Variants in SLC35D1 observed in about 807,000 individuals in gnomAD.
SLC35D1 encodes solute carrier family 35 member D1.
A neutral mutation model predicts 46.7 loss-of-function variants in SLC35D1; 31 were observed. That is an observed-to-expected ratio of 0.66 (90% CI 0.50 to 0.90). The LOEUF is 0.90. Ranked by LOEUF, SLC35D1 falls within the 40% of genes least tolerant of loss-of-function variation. The pLI, the probability that SLC35D1 is intolerant of heterozygous loss-of-function variation, is 0.00. For synonymous variants in SLC35D1, 195 were observed against 164.6 expected, an observed-to-expected ratio of 1.18 and a Z score of -1.41; for missense variants, 397 against 426.2, an observed-to-expected ratio of 0.93 and a Z score of 0.60.
At chr1:67,042,179 T>G (rs1342372787) in intron 8 of SLC35D1, 57 bp downstream of exon 8, 2 of 1,440,930 alleles carry the variant, frequency 1.4e-6, no homozygotes, top group Non-Finnish European at 2.0e-6. Flanking sequence ...CTTTTCATCA[T>G]AAATAATAAT....
intron 8 of SLC35D1, 35 bp from the exon 9 acceptor site, chr1:67,021,637 A>G: frequency 6.2e-7 from 1 of 1,608,576 alleles, no homozygotes; most frequent in South Asian, 1.1e-5. Flanking sequence ...ATTTTAGACC[A>G]GGCCTTCAAA....
chr1:67,009,050 C>A (rs747687207), intron 11 of SLC35D1, 35 bp downstream of exon 11: 2 of 984,262 alleles, frequency 2.0e-6, no homozygotes, highest in South Asian at 2.7e-5. Flanking sequence ...ATATCCAATT[C>A]CGATTTTGCA....
intron 10 of SLC35D1, among the ~76,000 whole-genome samples, chr1:67,013,171 C>CATATGTATATATATATATATATATGTG (rs1484938863): frequency 6.8e-4 from 4 of 5,880 alleles, no homozygotes; most frequent in Non-Finnish European, 1.3e-3. Context: ...TATATATATC[C>CATATGTATATATATATATATATATGTG]TGTTCTTAAA....
chr1:66,989,096 TAAA>T, the SLC35D1 span, among the ~76,000 whole-genome samples: 3 of 151,102 alleles, frequency 2.0e-5, no homozygotes, highest in South Asian at 2.1e-4. Context: ...TTTTGTCTTT[TAAA>T]AAAAAAATTT....
At chr1:66,985,445 A>T in the SLC35D1 span, 44 of 983,140 alleles carry the variant, frequency 4.5e-5, no homozygotes, top group Non-Finnish European at 5.3e-5. Context: ...TGATTTTTTT[A>T]TATATAGAAG....
the SLC35D1 span, among the ~76,000 whole-genome samples, chr1:66,976,032 G>A: frequency 0.073 from 11,139 of 152,020 alleles, 503 homozygotes; most frequent in African/African-American, 0.13. Context: ...CTGTCACCCA[G>A]GTGGGAGTGC....
In SLC35D1 at chr1:67,021,575, T is replaced by C. The variant is rs761883959; in HGVS notation, c.757A>G (p.Thr253Ala). 8.7e-6 allele frequency: 14 copies of C among 1,613,754 alleles called. No individual in the cohort carries two copies. The African/African-American group carries it at 1.3e-4, about 15-fold the overall frequency. The change falls in exon 9 of 12, where the codon ACC (threonine) becomes GCC (alanine). Residue 253 changes from threonine to alanine, a missense_variant. Physicochemically the swap from Thr to Ala is moderately conservative, Grantham distance 58. Coordinates refer to ENST00000235345, the MANE Select transcript of SLC35D1 (RefSeq NM_015139.3). ...AGGGTGAACTGCAGAAGAAAGAGGG[T>C]GTCAGCCCAGCCTTCAAACTCCACA... ...KAVEFEGWAD[T>A]LFLLQFTLSC...
intron 10 of SLC35D1, among the ~76,000 whole-genome samples, chr1:67,017,262 G>A (rs933702477): frequency 6.6e-6 from 1 of 151,892 alleles, no homozygotes; most frequent in African/African-American, 2.4e-5. Context: ...GGTAAAAATG[G>A]GAGACTAGAA....
chr1:67,051,696 A>G (rs1463103651), intron 4 of SLC35D1, among the ~76,000 whole-genome samples: 2 of 152,234 alleles, frequency 1.3e-5, no homozygotes, highest in African/African-American at 4.8e-5. Flanking sequence ...AGCCTAGTAT[A>G]TATCTTCACT....
chr1:66,984,946 TA>T, the SLC35D1 span: 3 of 1,519,018 alleles, frequency 2.0e-6, no homozygotes, highest in African/African-American at 2.8e-5. Context: ...CTGGTGTGAC[TA>T]AAATTTTCAG....
At chr1:67,007,255 TCTAA>T (rs1667471257) in intron 11 of SLC35D1, among the ~76,000 whole-genome samples, 1 of 151,840 alleles carries the variant, frequency 6.6e-6, no homozygotes, top group East Asian at 1.9e-4. Context: ...GGCTGGGGAG[TCTAA>T]GATCAAGGCA....
chr1:67,047,499 C>T (rs1645264635), intron 6 of SLC35D1, 132 bp from the exon 7 acceptor site: 1 of 788,712 alleles, frequency 1.3e-6, no homozygotes, highest in East Asian at 2.7e-5. Context: ...TTATCAGCTA[C>T]TAGTATTTCT....
chr1:67,012,732 C>G (rs569899097), intron 10 of SLC35D1, among the ~76,000 whole-genome samples: 25 of 152,202 alleles, frequency 1.6e-4, no homozygotes, highest in African/African-American at 6.0e-4. Flanking sequence ...AGCTCACACT[C>G]CCTGCTTTAG....
chr1:67,030,652 A>G (rs1394751915), intron 8 of SLC35D1, among the ~76,000 whole-genome samples: 9 of 152,088 alleles, frequency 5.9e-5, no homozygotes, highest in Non-Finnish European at 1.5e-5. Flanking sequence ...AAAGACCTCA[A>G]ATAAACCTCT....
At chr1:66,985,611 G>A in the SLC35D1 span, 13 of 985,000 alleles carry the variant, frequency 1.3e-5, no homozygotes, top group Admixed American at 6.2e-5. Context: ...TCTTGACTGA[G>A]CTGTCCTTTC....
intron 7 of SLC35D1, among the ~76,000 whole-genome samples, chr1:67,043,253 C>T (rs1272274382): frequency 6.6e-6 from 1 of 151,824 alleles, no homozygotes; most frequent in African/African-American, 2.4e-5. Flanking sequence ...TAAATCCCAG[C>T]TACTGGGGAG....
intron 8 of SLC35D1, among the ~76,000 whole-genome samples, chr1:67,024,105 C>G (rs1441309592): frequency 6.6e-6 from 1 of 151,862 alleles, no homozygotes; most frequent in Non-Finnish European, 1.5e-5. Flanking sequence ...CCACCACACC[C>G]AGCTAATTTT....
chr1:66,988,800 C>A, the SLC35D1 span, among the ~76,000 whole-genome samples: 1 of 152,084 alleles, frequency 6.6e-6, no homozygotes, highest in Non-Finnish European at 1.5e-5. Flanking sequence ...CTCTAATATC[C>A]AGCAAATATT....
chr1:67,049,629 C>G (rs1282042189), intron 6 of SLC35D1, among the ~76,000 whole-genome samples, 153 bp downstream of exon 6: 1 of 152,094 alleles, frequency 6.6e-6, no homozygotes, highest in African/African-American at 2.4e-5. Context: ...CTTAATACAG[C>G]CAAAAAGATT....
Sources: gnomAD v4.1 joint callset for allele counts (sites outside exome capture counted in the v4.1 genomes callset) on GRCh38, gnomAD v4.1.1 for gene constraint, MANE v1.5 for transcripts, NCBI Gene and HGNC (gene_info 2026-07-23, HGNC 2026-07-21) for gene names.